FNBP1L: variants seen among roughly 807,000 people sequenced by gnomAD.
FNBP1L encodes formin-binding protein 1-like.
In FNBP1L, 36 loss-of-function variants were observed where a neutral mutation model predicts 91.2. The observed-to-expected ratio is 0.39, with a 90% CI of 0.30 to 0.52. The LOEUF (loss-of-function observed/expected upper bound fraction) is 0.52, where lower values mean the gene tolerates loss of function less well. Among genes scored for constraint, FNBP1L ranks in the 20% least tolerant of loss-of-function variants. The pLI is 0.66. For missense variants in FNBP1L, 571 were observed against 732.1 expected (o/e 0.78, Z 2.54); for synonymous variants, 242 against 237.0 (o/e 1.02, Z -0.19).
chr1:93,511,792 C>T (rs1670854839), intron 2 of FNBP1L, among the ~76,000 whole-genome samples: 1 of 151,584 alleles, frequency 6.6e-6, no homozygotes, highest in African/African-American at 2.4e-5. Flanking sequence ...CGGTGAAACC[C>T]CGTCTCTACT....
chr1:93,512,765 TC>T (rs1342787960), intron 2 of FNBP1L, among the ~76,000 whole-genome samples: 2 of 151,594 alleles, frequency 1.3e-5, no homozygotes, highest in Non-Finnish European at 2.9e-5. Flanking sequence ...TGGGACGCAT[TC>T]AAAGCAGTGT....
chr1:93,538,367 G>A (rs547083308), intron 10 of FNBP1L, among the ~76,000 whole-genome samples: 8 of 151,314 alleles, frequency 5.3e-5, no homozygotes, highest in East Asian at 1.9e-4. Flanking sequence ...AGTTATTTAC[G>A]TAAGATAGCA....
intron 2 of FNBP1L, among the ~76,000 whole-genome samples, chr1:93,502,539 T>G (rs111434278): frequency 6.6e-6 from 1 of 152,184 alleles, no homozygotes; most frequent in Admixed American, 6.5e-5. Flanking sequence ...TTGCCTTCTC[T>G]CTGTTCTGAG....
At chr1:93,456,279 A>T (rs549068375) in intron 1 of FNBP1L, among the ~76,000 whole-genome samples, 2 of 152,204 alleles carry the variant, frequency 1.3e-5, no homozygotes, top group South Asian at 2.1e-4. Context: ...TAAGTTCTTG[A>T]TAAATAACTA....
intron 8 of FNBP1L, among the ~76,000 whole-genome samples, chr1:93,533,583 T>C (rs1453693194): frequency 6.6e-6 from 1 of 152,158 alleles, no homozygotes; most frequent in East Asian, 1.9e-4. Context: ...TCTCAGTAAA[T>C]GTTGATTGAG....
At chr1:93,475,277 G>T (rs955835343) in intron 1 of FNBP1L, among the ~76,000 whole-genome samples, 5 of 151,978 alleles carry the variant, frequency 3.3e-5, no homozygotes, top group Non-Finnish European at 5.9e-5. Flanking sequence ...ATACATTTAG[G>T]CCAGGTGCAG....
intron 1 of FNBP1L, among the ~76,000 whole-genome samples, chr1:93,476,696 A>T (rs1669507644): frequency 6.6e-6 from 1 of 152,030 alleles, no homozygotes; most frequent in Non-Finnish European, 1.5e-5. Context: ...GGTGTGTGTG[A>T]GTGGGCAGAG....
chr1:93,497,614 C>G (rs1308772260), intron 1 of FNBP1L, among the ~76,000 whole-genome samples: 1 of 152,040 alleles, frequency 6.6e-6, no homozygotes, highest in Admixed American at 6.6e-5. Context: ...TAAAAATATT[C>G]TTAATAATAT....
rs578039078 is a variant in FNBP1L at position 93,449,046 on chromosome 1, A to C, written c.24+741A>C. On this transcript the variant is annotated intron_variant, in intron 1 of 16. Transcript: ENST00000271234. ...ATCGATGAGGAAGCTAATTTTACCAAAAGGAGCGTACGGTCTCCCTGTTGC... is the reference window on the plus strand; with the variant it reads ...ATCGATGAGGAAGCTAATTTTACCACAAGGAGCGTACGGTCTCCCTGTTGC... Among the ~76,000 whole-genome samples, 6 of 152,304 alleles carry C rather than the reference A, an allele frequency of 3.9e-5. No homozygotes were observed. The South Asian group carries it at 1.2e-3, about 32-fold the overall frequency.
intron 10 of FNBP1L, among the ~76,000 whole-genome samples, chr1:93,538,433 A>G (rs984270906): frequency 6.6e-6 from 1 of 152,096 alleles, no homozygotes; most frequent in African/African-American, 2.4e-5. Context: ...TCCCAGATTT[A>G]TTATTAGCTA....
At chr1:93,487,600 G>A (rs969858706) in intron 1 of FNBP1L, among the ~76,000 whole-genome samples, 13 of 152,168 alleles carry the variant, frequency 8.5e-5, no homozygotes, top group Non-Finnish European at 1.6e-4. Flanking sequence ...AATCATATAA[G>A]GGAATGAGGC....
chr1:93,496,389 T>TTTTA (rs978730930), intron 1 of FNBP1L, among the ~76,000 whole-genome samples: 5 of 151,660 alleles, frequency 3.3e-5, no homozygotes, highest in African/African-American at 9.7e-5. Flanking sequence ...ACCTGGCTAA[T>TTTTA]TTTATTTATT....
At chr1:93,501,742 G>A (rs1431818541) in intron 2 of FNBP1L, among the ~76,000 whole-genome samples, 4 of 152,116 alleles carry the variant, frequency 2.6e-5, no homozygotes, top group Non-Finnish European at 5.9e-5. Flanking sequence ...ATTATACAGA[G>A]TGAAAAAGTA....
intron 1 of FNBP1L, among the ~76,000 whole-genome samples, chr1:93,468,747 G>A (rs976194507): frequency 6.6e-6 from 1 of 152,032 alleles, no homozygotes; most frequent in South Asian, 2.1e-4. Flanking sequence ...ACAAGTTTTT[G>A]TGTGTATATA....
intron 3 of FNBP1L, 54 bp downstream of exon 3, chr1:93,522,189 A>G: frequency 1.2e-6 from 1 of 828,800 alleles, no homozygotes; most frequent in Non-Finnish European, 1.7e-6. Flanking sequence ...AAATACTTAT[A>G]TTTTTATTAT....
chr1:93,465,245 G>A (rs775112305), intron 1 of FNBP1L, among the ~76,000 whole-genome samples: 9 of 151,724 alleles, frequency 5.9e-5, no homozygotes, highest in Admixed American at 1.3e-4. Flanking sequence ...GGGTACATGT[G>A]CACAACATGC....
intron 1 of FNBP1L, among the ~76,000 whole-genome samples, chr1:93,492,262 T>C (rs1342084215): frequency 6.6e-6 from 1 of 152,158 alleles, no homozygotes; most frequent in Admixed American, 6.6e-5. Flanking sequence ...GAATTCTTTA[T>C]GGGAACCAGT....
chr1:93,517,043 CTT>C (rs370353493), intron 2 of FNBP1L, among the ~76,000 whole-genome samples: 10 of 141,410 alleles, frequency 7.1e-5, no homozygotes, highest in Admixed American at 7.2e-5. Flanking sequence ...TTTCCTCTTC[CTT>C]TTTTTTTTTT....
chr1:93,512,418 G>T (rs11485387), intron 2 of FNBP1L, among the ~76,000 whole-genome samples: 7 of 150,894 alleles, frequency 4.6e-5, no homozygotes, highest in African/African-American at 7.3e-5. Flanking sequence ...TGCACCAAGC[G>T]GACCTAATAG....
Sources: allele counts gnomAD v4.1 joint callset (sites outside exome capture counted in the v4.1 genomes callset), GRCh38; gene constraint gnomAD v4.1.1; transcripts MANE v1.5; gene names NCBI Gene and HGNC (gene_info 2026-07-23, HGNC 2026-07-21).